The following EHBP1 variants were observed in gnomAD, a reference collection of about 807,000 sequenced individuals.
The protein encoded by EHBP1 is EH domain binding protein 1, also known as EH domain-binding protein 1.
EHBP1 carries 55 observed loss-of-function variants against 144.0 expected under a neutral mutation model. The ratio of observed to expected loss-of-function variants is 0.38; its 90% CI spans 0.31 to 0.48. The LOEUF (loss-of-function observed/expected upper bound fraction) is 0.48, where lower values mean the gene tolerates loss of function less well. EHBP1 is among the 20% of genes least tolerant of loss of function. The pLI, the probability that EHBP1 is intolerant of heterozygous loss-of-function variation, is 0.98. For synonymous variants in EHBP1, 469 were observed against 472.7 expected (o/e 0.99, Z 0.10); for missense variants, 1,200 against 1,364.2 (o/e 0.88, Z 1.90).
intron 5 of EHBP1, among the ~76,000 whole-genome samples, chr2:62,803,106 G>A (rs1405198903): frequency 3.3e-5 from 5 of 152,074 alleles, no homozygotes; most frequent in Admixed American, 6.5e-5. Context: ...TGAGTGCCAC[G>A]TTAGAGTACA....
intron 7 of EHBP1, among the ~76,000 whole-genome samples, chr2:62,840,001 A>G (rs1417399483): frequency 6.6e-6 from 1 of 152,192 alleles, no homozygotes. Flanking sequence ...TAAAGTTCAT[A>G]TGGAACCAAA....
chr2:62,821,503 A>T (rs940940236), intron 5 of EHBP1, among the ~76,000 whole-genome samples: 1 of 151,980 alleles, frequency 6.6e-6, no homozygotes, highest in Non-Finnish European at 1.5e-5. Context: ...AGCCTGAGCA[A>T]CATAGTGAGA....
intron 5 of EHBP1, among the ~76,000 whole-genome samples, chr2:62,794,488 CATT>C (rs2043399931): frequency 6.6e-6 from 1 of 151,936 alleles, no homozygotes; most frequent in African/African-American, 2.4e-5. Context: ...TGTTTTTAAT[CATT>C]GTACATGTGA....
chr2:62,717,725 C>A (rs765567518), intron 2 of EHBP1, among the ~76,000 whole-genome samples: 2 of 151,126 alleles, frequency 1.3e-5, no homozygotes, highest in Non-Finnish European at 2.9e-5. Context: ...TTAAAAAAAA[C>A]CTATAAAATT....
intron 7 of EHBP1, among the ~76,000 whole-genome samples, chr2:62,849,065 T>G (rs2048495724): frequency 6.6e-6 from 1 of 152,162 alleles, no homozygotes; most frequent in South Asian, 2.1e-4. Flanking sequence ...ATATTCATGC[T>G]CTTTTATAAT....
At chr2:62,782,541 C>T (rs567204682) in intron 5 of EHBP1, among the ~76,000 whole-genome samples, 2 of 152,080 alleles carry the variant, frequency 1.3e-5, no homozygotes, top group African/African-American at 4.8e-5. Flanking sequence ...CCCACAGTTC[C>T]GTATGGCTGG....
At chr2:62,922,939 C>G (rs1355138902) in intron 10 of EHBP1, among the ~76,000 whole-genome samples, 1 of 152,200 alleles carries the variant, frequency 6.6e-6, no homozygotes, top group South Asian at 2.1e-4. Flanking sequence ...ACAGGAGAAT[C>G]CCACAGTCTC....
intron 10 of EHBP1, among the ~76,000 whole-genome samples, chr2:62,895,214 T>A (rs572050966): frequency 2.0e-5 from 3 of 152,160 alleles, no homozygotes; most frequent in Non-Finnish European, 4.4e-5. Flanking sequence ...TATACAAGTG[T>A]ATGCATTTGT....
At chr2:62,781,918 AAAC>A (rs1272238916) in intron 5 of EHBP1, among the ~76,000 whole-genome samples, 2 of 152,244 alleles carry the variant, frequency 1.3e-5, no homozygotes, top group African/African-American at 2.4e-5. Context: ...TTGTTAGAGA[AAAC>A]AAAGCATTTT....
intron 7 of EHBP1, among the ~76,000 whole-genome samples, chr2:62,839,710 C>G (rs2047631150): frequency 6.6e-6 from 1 of 151,966 alleles, no homozygotes; most frequent in Non-Finnish European, 1.5e-5. Flanking sequence ...AGACAGAGAG[C>G]CAAATCATGA....
At chr2:62,828,030 T>C (rs1558743651) in intron 6 of EHBP1, among the ~76,000 whole-genome samples, 1 of 152,234 alleles carries the variant, frequency 6.6e-6, no homozygotes, top group Non-Finnish European at 1.5e-5. Context: ...GAGAGCAATT[T>C]GTAAGACATT....
At chr2:62,731,087 T>G (rs1368959176) in intron 2 of EHBP1, among the ~76,000 whole-genome samples, 1 of 151,650 alleles carries the variant, frequency 6.6e-6, no homozygotes, top group Non-Finnish European at 1.5e-5. Flanking sequence ...CTTCTTGGAT[T>G]TTTGTAATTT....
At chr2:62,778,228 T>C (rs1309296251) in intron 5 of EHBP1, among the ~76,000 whole-genome samples, 3 of 152,114 alleles carry the variant, frequency 2.0e-5, no homozygotes, top group African/African-American at 7.2e-5. Flanking sequence ...GGCGATGGGC[T>C]AAATTAATTA....
At position 62,874,313 on chromosome 2, in the gene EHBP1, G is replaced by C. The variant is rs767778693; in HGVS notation, c.999-33G>C. The C allele has an allele frequency of 6.7e-5, 97 of 1,443,050 alleles. 1 individual carries two copies. The South Asian group carries it at 9.7e-4, about 14-fold the overall frequency. 89.4% of individuals were successfully genotyped at this position (1,443,050 alleles called of 1,614,324 possible). ...TACTTGTAAATGAACTATTTTTTGA[G>C]AGACATCTAACAATAATTCTTCTTT... On this transcript the variant is annotated intron_variant, in intron 9 of 22. Coordinates refer to ENST00000431489, the MANE Select transcript of EHBP1 (RefSeq NM_001142616.3).
intron 10 of EHBP1, among the ~76,000 whole-genome samples, chr2:62,925,917 G>A (rs913376752): frequency 3.3e-5 from 5 of 152,070 alleles, no homozygotes; most frequent in African/African-American, 1.2e-4. Context: ...GAATTTATAT[G>A]AACCCACAAA....
chr2:62,771,437 A>G (rs767149214), intron 5 of EHBP1, 45 bp downstream of exon 5: 2 of 1,451,176 alleles, frequency 1.4e-6, no homozygotes, highest in South Asian at 2.7e-5. Context: ...TTTCAACTTT[A>G]TATATGCATT....
At chr2:62,843,813 G>A (rs1260119578) in intron 7 of EHBP1, among the ~76,000 whole-genome samples, 6 of 152,056 alleles carry the variant, frequency 3.9e-5, no homozygotes, top group Non-Finnish European at 5.9e-5. Flanking sequence ...AAACAAAATG[G>A]ACATATTTTA....
intron 2 of EHBP1, among the ~76,000 whole-genome samples, chr2:62,711,682 A>G (rs562924130): frequency 4.1e-4 from 62 of 152,276 alleles, no homozygotes; most frequent in Middle Eastern, 3.4e-3. Flanking sequence ...GTGAGGAAGG[A>G]GAGGAGGAGC....
At chr2:62,737,137 A>G (rs1169435416) in intron 2 of EHBP1, among the ~76,000 whole-genome samples, 1 of 152,222 alleles carries the variant, frequency 6.6e-6, no homozygotes, top group East Asian at 1.9e-4. Flanking sequence ...TTCCCAGGTC[A>G]GTTAGGCTCT....
Sources: allele counts gnomAD v4.1 joint callset (sites outside exome capture counted in the v4.1 genomes callset), GRCh38; gene constraint gnomAD v4.1.1; transcripts MANE v1.5; gene names NCBI Gene and HGNC (gene_info 2026-07-23, HGNC 2026-07-21).